FGF14: variants seen among roughly 807,000 people sequenced by gnomAD.
The protein encoded by FGF14 is fibroblast growth factor homologous factor 4.
Under a neutral mutation model 25.5 loss-of-function variants are expected in FGF14, and 5 were observed. The observed-to-expected ratio is 0.20, with a 90% CI of 0.10 to 0.41. FGF14 has a LOEUF of 0.41. Ranked by LOEUF, FGF14 falls within the 10% of genes least tolerant of loss-of-function variation. FGF14 has a pLI of 1.00. For missense variants in FGF14, 222 were observed against 320.1 expected (o/e 0.69, Z 2.34); for synonymous variants, 138 against 118.3 (o/e 1.17, Z -1.08).
intron 1 of FGF14, among the ~76,000 whole-genome samples, chr13:102,250,744 T>A (rs1457089123): frequency 6.6e-6 from 1 of 152,236 alleles, no homozygotes; most frequent in Non-Finnish European, 1.5e-5. Flanking sequence ...CTAAGATTAA[T>A]ATTTCATTAA....
At chr13:102,330,481 T>A (rs1223406951) in intron 1 of FGF14, among the ~76,000 whole-genome samples, 3 of 152,138 alleles carry the variant, frequency 2.0e-5, no homozygotes, top group Non-Finnish European at 2.9e-5. Context: ...ATATCTCAAG[T>A]CTTACAAAAT....
At chr13:102,064,339 CAGACATAATAGCCTTT>C (rs1034973611) in intron 1 of FGF14, among the ~76,000 whole-genome samples, 4 of 152,050 alleles carry the variant, frequency 2.6e-5, no homozygotes, top group African/African-American at 9.7e-5. Flanking sequence ...GAGATAAAGA[CAGACATAATAGCCTTT>C]AGATGGGTTC....
intron 3 of FGF14, among the ~76,000 whole-genome samples, chr13:101,772,862 G>A (rs937242607): frequency 1.3e-5 from 2 of 152,098 alleles, no homozygotes; most frequent in Non-Finnish European, 2.9e-5. Flanking sequence ...AGCAGAAAAA[G>A]AGGACTCACC....
chr13:101,995,541 C>T (rs1293598926), intron 1 of FGF14, among the ~76,000 whole-genome samples: 1 of 152,108 alleles, frequency 6.6e-6, no homozygotes, highest in Non-Finnish European at 1.5e-5. Context: ...AGTACATTAT[C>T]TTACCAATTA....
At chr13:102,157,887 A>C (rs536944213) in intron 1 of FGF14, among the ~76,000 whole-genome samples, 138 of 152,368 alleles carry the variant, frequency 9.1e-4, no homozygotes, top group African/African-American at 3.2e-3. Flanking sequence ...TCTCCAAAGA[A>C]GACATTTATG....
intron 1 of FGF14, among the ~76,000 whole-genome samples, chr13:102,039,834 G>A (rs930762388): frequency 1.3e-5 from 2 of 151,960 alleles, no homozygotes; most frequent in Admixed American, 6.6e-5. Context: ...TAATCCTTTG[G>A]GTGGCTTCCT....
intron 3 of FGF14, among the ~76,000 whole-genome samples, chr13:101,845,257 A>T (rs1345226351): frequency 2.0e-5 from 3 of 152,060 alleles, no homozygotes; most frequent in African/African-American, 4.8e-5. Flanking sequence ...ATGTCGAAGC[A>T]TTTCTAATCC....
intron 1 of FGF14, among the ~76,000 whole-genome samples, chr13:101,905,275 C>T (rs1566410340): frequency 6.6e-6 from 1 of 152,096 alleles, no homozygotes; most frequent in Non-Finnish European, 1.5e-5. Context: ...CAGCACTATT[C>T]ACAACAGCAA....
intron 1 of FGF14, among the ~76,000 whole-genome samples, chr13:102,282,382 C>T (rs1396882521): frequency 6.6e-6 from 1 of 152,162 alleles, no homozygotes; most frequent in Non-Finnish European, 1.5e-5. Context: ...CAGGTTATCA[C>T]ATAAGGAATC....
intron 1 of FGF14, among the ~76,000 whole-genome samples, chr13:102,389,329 C>T (rs998938008): frequency 1.9e-4 from 29 of 152,248 alleles, no homozygotes; most frequent in African/African-American, 6.5e-4. Flanking sequence ...ATGTATACTA[C>T]CTTCTCAAAA....
intron 3 of FGF14, among the ~76,000 whole-genome samples, chr13:101,797,996 C>T (rs538173590): frequency 4.6e-5 from 7 of 152,086 alleles, no homozygotes; most frequent in Middle Eastern, 3.4e-3. Context: ...TTGAAAGTTA[C>T]GAAAGTACTT....
intron 1 of FGF14, among the ~76,000 whole-genome samples, chr13:102,384,068 ATGTT>A (rs1204541604): frequency 6.6e-6 from 1 of 152,158 alleles, no homozygotes. Context: ...GTGTTTTTCA[ATGTT>A]TGTTTTTTCT....
At chr13:101,846,679 A>G (rs1205231147) in intron 3 of FGF14, among the ~76,000 whole-genome samples, 1 of 152,050 alleles carries the variant, frequency 6.6e-6, no homozygotes, top group Non-Finnish European at 1.5e-5. Flanking sequence ...TTACGTCTAC[A>G]TACTAAGATA....
In FGF14 at chr13:102,207,598, C is replaced by G. The variant is rs1230798121; in HGVS notation, c.208+193873G>C. 4.5e-5 allele frequency among the ~76,000 whole-genome samples: 6 copies of G among 134,092 alleles called. No homozygotes were observed. In the Admixed American group the frequency reaches 4.7e-4, roughly 10 times the overall value. 88.0% of individuals were successfully genotyped at this position (134,092 alleles called of 152,430 possible). ...TTTAACACGTTTTGCAACATCTGTC[C>G]TTGAGAAAAAAGGGTCAGTTTTCAT... On this transcript the variant is annotated intron_variant, in intron 1 of 4. Coordinates refer to the FGF14 transcript ENST00000376131.
At chr13:102,274,193 G>A (rs920413964) in intron 1 of FGF14, among the ~76,000 whole-genome samples, 4 of 152,102 alleles carry the variant, frequency 2.6e-5, no homozygotes, top group East Asian at 1.9e-4. Flanking sequence ...GGCTCCCACC[G>A]CATTCTGCAA....
chr13:101,764,918 G>A (rs2038284310), intron 3 of FGF14, among the ~76,000 whole-genome samples: 1 of 152,162 alleles, frequency 6.6e-6, no homozygotes, highest in African/African-American at 2.4e-5. Context: ...CTAAATGATA[G>A]TGATCCCACT....
chr13:102,241,390 C>T (rs566754005), intron 1 of FGF14, among the ~76,000 whole-genome samples: 4 of 152,256 alleles, frequency 2.6e-5, no homozygotes, highest in East Asian at 3.9e-4. Flanking sequence ...ATTCCCAAGT[C>T]GTTCTGCAAT....
chr13:101,761,825 T>TA (rs1438751678), intron 3 of FGF14, among the ~76,000 whole-genome samples: 1 of 152,218 alleles, frequency 6.6e-6, no homozygotes. Context: ...GGCAGTTGGG[T>TA]AGGCATTTCT....
At chr13:101,838,375 C>T (rs767997748) in intron 3 of FGF14, among the ~76,000 whole-genome samples, 14 of 151,952 alleles carry the variant, frequency 9.2e-5, no homozygotes, top group Non-Finnish European at 1.6e-4. Flanking sequence ...CCTGTGATTC[C>T]CAGCCACTCT....
Sources: gnomAD v4.1 joint callset for allele counts (sites outside exome capture counted in the v4.1 genomes callset) on GRCh38, gnomAD v4.1.1 for gene constraint, MANE v1.5 for transcripts, NCBI Gene and HGNC (gene_info 2026-07-23, HGNC 2026-07-21) for gene names.